RBM19: variants seen among roughly 807,000 people sequenced by gnomAD.
The protein encoded by RBM19 is probable RNA-binding protein 19.
Under a neutral mutation model 116.8 loss-of-function variants are expected in RBM19, and 94 were observed. The ratio of observed to expected loss-of-function variants is 0.80; its 90% confidence interval spans 0.68 to 0.95. The LOEUF is 0.95. RBM19 is among the 40% of genes least tolerant of loss of function. The pLI is 0.00. For missense variants in RBM19, 1,161 were observed against 1,220.7 expected (o/e 0.95, Z 0.73); for synonymous variants, 475 against 494.1 (o/e 0.96, Z 0.51).
intron 15 of RBM19, 118 bp from the exon 16 acceptor site, chr12:113,937,254 A>C: frequency 7.6e-7 from 1 of 1,310,272 alleles, no homozygotes; most frequent in Non-Finnish European, 1.0e-6. Context: ...CTCACCCAAG[A>C]ATGGAGCCGG....
chr12:113,882,692 C>G (rs993525341), intron 21 of RBM19, among the ~76,000 whole-genome samples: 2 of 152,114 alleles, frequency 1.3e-5, no homozygotes, highest in African/African-American at 4.8e-5. Flanking sequence ...CTCCAAGGAG[C>G]GGCTTGGGGT....
intron 16 of RBM19, among the ~76,000 whole-genome samples, chr12:113,931,632 C>T (rs888108408): frequency 3.9e-5 from 6 of 152,114 alleles, no homozygotes; most frequent in African/African-American, 1.4e-4. Flanking sequence ...CCTTCTCTCC[C>T]GTCACCTCCG....
At chr12:113,923,115 C>A (rs919394335) in intron 18 of RBM19, among the ~76,000 whole-genome samples, 4 of 152,182 alleles carry the variant, frequency 2.6e-5, no homozygotes, top group African/African-American at 9.7e-5. Context: ...GCCTGGGTGA[C>A]AGAGTGAGAC....
chr12:113,849,471 G>A (rs1877275374), intron 22 of RBM19, among the ~76,000 whole-genome samples: 2 of 152,212 alleles, frequency 1.3e-5, no homozygotes, highest in East Asian at 1.9e-4. Context: ...GACTACAAAC[G>A]CAACGGGGAT....
rs74837044 is a variant in RBM19, at chr12:113,852,990, C to T, written c.2664+5801G>A. Among the ~76,000 whole-genome samples, 115 of 152,344 alleles carry T rather than the reference C, an allele frequency of 7.5e-4. No homozygotes were observed. In the East Asian group the frequency reaches 0.016, roughly 21 times the overall value. ...CACCCGGCGAGGAGGAAGGCTGTCC[C>T]GGCCTTAATGAGCTTTGTCCGGCTC... On this transcript the variant is annotated intron_variant, in intron 22 of 23. Transcript: ENST00000261741.
chr12:113,955,164 C>A lies in RBM19; in HGVS notation c.888G>T (p.Val296=). ...CATTGAACGGGGCTCCCCGCAGCTT[C>A]ACGGTGTGGCAGGTGGTGGGTTCCT... The part of the protein sequence containing the change: ...NQKEPTTCHT[V]KLRGAPFNVT... The change falls in exon 7 of 24, where the codon GTG becomes GTT. Residue 296 remains valine, a synonymous_variant. Transcript: ENST00000261741. 1 of 1,612,446 alleles carries A rather than the reference C, an allele frequency of 6.2e-7. No individual in the cohort carries two copies. The highest frequency in any genetic ancestry group is 1.1e-5 in the South Asian group (1 of 91,070).
intron 16 of RBM19, among the ~76,000 whole-genome samples, chr12:113,934,397 C>T (rs1338479816): frequency 1.3e-5 from 2 of 152,242 alleles, no homozygotes; most frequent in African/African-American, 4.8e-5. Context: ...TACTGGAAAT[C>T]TCAGGGCCAT....
intron 18 of RBM19, among the ~76,000 whole-genome samples, chr12:113,923,629 C>A (rs1593592004): frequency 6.6e-6 from 1 of 152,252 alleles, no homozygotes; most frequent in East Asian, 1.9e-4. Context: ...CTGACTCTTC[C>A]TCAACGAATT....
In RBM19 at chr12:113,842,227, G is replaced by A. The variant is rs555755875; in HGVS notation, c.2785+2441C>T. On this transcript the variant is annotated intron_variant, in intron 23 of 23. Coordinates refer to ENST00000261741, the MANE Select transcript of RBM19 (RefSeq NM_016196.4). ...GTCTTTGGAACTCAATTTATTGAAG[G>A]GGGCTTCTCTCTAAGGCAGGGCAGA... 3.3e-5 allele frequency among the ~76,000 whole-genome samples: 5 copies of A among 152,322 alleles called. 1 individual carries two copies. The highest frequency in any genetic ancestry group is 3.3e-4 in the Admixed American group (5 of 15,304).
intron 2 of RBM19, 78 bp downstream of exon 2, chr12:113,962,154 T>C: frequency 6.5e-7 from 1 of 1,533,008 alleles, no homozygotes; most frequent in East Asian, 2.3e-5. Context: ...GGACGGTCTT[T>C]GAACTCAAGT....
intron 20 of RBM19, 150 bp from the exon 21 acceptor site, chr12:113,915,235 G>C (rs939108013): frequency 1.2e-5 from 8 of 689,102 alleles, no homozygotes; most frequent in Admixed American, 1.1e-4. Flanking sequence ...GGAGAGGAAG[G>C]CCGTCTCCCA....
intron 21 of RBM19, among the ~76,000 whole-genome samples, chr12:113,871,474 T>G (rs1879200349): frequency 6.6e-6 from 1 of 152,152 alleles, no homozygotes; most frequent in Non-Finnish European, 1.5e-5. Flanking sequence ...GGTCAGACAG[T>G]CAATAATTTT....
rs543545284 is a variant in RBM19 at position 113,860,057 on chromosome 12, T to A, written c.2559-1161A>T. Among the ~76,000 whole-genome samples the A allele has an allele frequency of 1.7e-4, 26 of 152,338 alleles. No homozygotes were observed. In the South Asian group the frequency reaches 2.7e-3, roughly 16 times the overall value. Reference sequence around the variant, plus strand: ...CGGCATTATGAATCCTCAAAATGAATCTGCACGTCTCCTCGGAGCTCTCCC... The same window carrying A: ...CGGCATTATGAATCCTCAAAATGAAACTGCACGTCTCCTCGGAGCTCTCCC... On this transcript the variant is annotated intron_variant, in intron 21 of 23. Coordinates refer to ENST00000261741, the MANE Select transcript of RBM19 (RefSeq NM_016196.4).
chr12:113,847,091 T>C (rs1166651488), intron 22 of RBM19, among the ~76,000 whole-genome samples: 2 of 152,138 alleles, frequency 1.3e-5, no homozygotes, highest in Non-Finnish European at 2.9e-5. Context: ...TGCCCTTGGG[T>C]AATCAACTGC....
chr12:113,908,016 G>C (rs541785646), intron 21 of RBM19, among the ~76,000 whole-genome samples: 2 of 152,290 alleles, frequency 1.3e-5, no homozygotes, highest in African/African-American at 4.8e-5. Context: ...CCTGTGCAGA[G>C]GAGAGACACC....
chr12:113,941,325 G>C (rs1306104618), intron 14 of RBM19, among the ~76,000 whole-genome samples: 1 of 152,158 alleles, frequency 6.6e-6, no homozygotes, highest in Non-Finnish European at 1.5e-5. Context: ...CAGACTCTGG[G>C]GCCAGAAGGC....
At chr12:113,852,304 C>A (rs928444595) in intron 22 of RBM19, among the ~76,000 whole-genome samples, 18 of 152,146 alleles carry the variant, frequency 1.2e-4, no homozygotes, top group Non-Finnish European at 2.4e-4. Context: ...CTCACCTGCC[C>A]ATCTGAGGAG....
chr12:113,904,921 C>T (rs1881941852), intron 21 of RBM19, among the ~76,000 whole-genome samples: 1 of 152,204 alleles, frequency 6.6e-6, no homozygotes, highest in East Asian at 1.9e-4. Context: ...TGCAATCCCT[C>T]TCTCTGCCAT....
At chr12:113,960,275 G>A in intron 2 of RBM19, 97 bp from the exon 3 acceptor site, 1 of 1,536,004 alleles carries the variant, frequency 6.5e-7, no homozygotes, top group Non-Finnish European at 8.9e-7. Context: ...TCAGACAACT[G>A]TCACTGCCTA....
Sources: gnomAD v4.1 joint callset for allele counts (sites outside exome capture counted in the v4.1 genomes callset) on GRCh38, gnomAD v4.1.1 for gene constraint, MANE v1.5 for transcripts, NCBI Gene and HGNC (gene_info 2026-07-23, HGNC 2026-07-21) for gene names.